The following DYSF variants were observed in gnomAD, a reference collection of about 807,000 sequenced individuals.
DYSF encodes the protein dysferlin.
Under a neutral mutation model 274.9 loss-of-function variants are expected in DYSF, and 212 were observed. The ratio of observed to expected loss-of-function variants is 0.77; its 90% CI spans 0.69 to 0.86. The LOEUF (loss-of-function observed/expected upper bound fraction) is 0.86, where lower values mean the gene tolerates loss of function less well. DYSF is among the 40% of genes least tolerant of loss of function. The pLI, the probability that DYSF is intolerant of heterozygous loss-of-function variation, is 0.00. For missense variants in DYSF, 2,666 were observed against 2,783.2 expected (o/e 0.96, Z 0.95); for synonymous variants, 1,091 against 1,078.7 (o/e 1.01, Z -0.22).
chr2:71,674,025 T>C (rs2095175877), intron 51 of DYSF, among the ~76,000 whole-genome samples, 172 bp from the exon 52 acceptor site: 1 of 152,144 alleles, frequency 6.6e-6, no homozygotes, highest in Non-Finnish European at 1.5e-5. Flanking sequence ...CCTTGAACAC[T>C]GCCTTCTGGG....
At chr2:71,565,508 C>G (rs2092038790) in intron 24 of DYSF, among the ~76,000 whole-genome samples, 1 of 152,150 alleles carries the variant, frequency 6.6e-6, no homozygotes, top group Non-Finnish European at 1.5e-5. Flanking sequence ...CACGCTGGAC[C>G]TTCCCCTTCC....
chr2:71,526,418 T>TGGGGGGGGGGTGGGGGGGGGG, intron 13 of DYSF, 72 bp downstream of exon 13: 1 of 261,506 alleles, frequency 3.8e-6, no homozygotes, highest in Non-Finnish European at 7.0e-6. Context: ...GGGTGGGCGA[T>TGGGGGGGGGGTGGGGGGGGGG]GGCGGGCGGG....
intron 40 of DYSF, among the ~76,000 whole-genome samples, chr2:71,618,604 G>GTGTGTGTGTGT (rs762202789): frequency 5.3e-4 from 14 of 26,322 alleles, no homozygotes; most frequent in Non-Finnish European, 7.3e-4. Flanking sequence ...TGGTAGAGGT[G>GTGTGTGTGTGT]GTGGGTGTGG....
intron 31 of DYSF, among the ~76,000 whole-genome samples, chr2:71,589,902 C>G (rs576500988): frequency 1.3e-5 from 2 of 152,294 alleles, no homozygotes; most frequent in Non-Finnish European, 2.9e-5. Context: ...CCACTCAAAT[C>G]TGAGATCAGG....
intron 17 of DYSF, among the ~76,000 whole-genome samples, chr2:71,539,686 G>A (rs937569760): frequency 6.6e-6 from 1 of 151,982 alleles, no homozygotes; most frequent in Non-Finnish European, 1.5e-5. Flanking sequence ...CCACCCCTCC[G>A]GACAAGAACT....
rs1198300725 is a variant in DYSF, at chr2:71,568,363, G to T, written c.2864+25G>T. ...CGTGAGTCGTGGGCAGGGAGGGCTGGGGAGAGCCAGGCCAGGCTGCCCACC... is the reference window on the plus strand; with the variant it reads ...CGTGAGTCGTGGGCAGGGAGGGCTGTGGAGAGCCAGGCCAGGCTGCCCACC... On this transcript the variant is annotated intron_variant, in intron 26 of 55. Coordinates refer to ENST00000410020, the MANE Select transcript of DYSF (RefSeq NM_001130987.2). 3 of 1,612,454 alleles carry T rather than the reference G, an allele frequency of 1.9e-6. No homozygotes were observed. The Admixed American group carries it at 5.0e-5, about 27-fold the overall frequency.
intron 1 of DYSF, among the ~76,000 whole-genome samples, chr2:71,476,075 G>C (rs183005071): frequency 6.6e-6 from 1 of 152,258 alleles, no homozygotes; most frequent in Admixed American, 6.5e-5. Flanking sequence ...TGGCCCCTAA[G>C]AAGTTCTTAA....
intron 17 of DYSF, chr2:71,549,481 G>T: frequency 9.9e-6 from 13 of 1,318,438 alleles, no homozygotes; most frequent in South Asian, 1.2e-5. Flanking sequence ...TGGGGTTTTT[G>T]ATTTGCCTGA....
chr2:71,469,163 A>G (rs1461738080), intron 1 of DYSF, among the ~76,000 whole-genome samples: 1 of 152,174 alleles, frequency 6.6e-6, no homozygotes, highest in Non-Finnish European at 1.5e-5. Context: ...CTGAGATGTG[A>G]TGGCAGGTGA....
At chr2:71,554,758 G>A (rs1011955180) in intron 21 of DYSF, among the ~76,000 whole-genome samples, 2 of 152,210 alleles carry the variant, frequency 1.3e-5, no homozygotes, top group Non-Finnish European at 2.9e-5. Context: ...GTTCTGTTTT[G>A]GAGGTGAGGA....
intron 32 of DYSF, among the ~76,000 whole-genome samples, chr2:71,594,335 T>C (rs898845206): frequency 1.3e-5 from 2 of 152,304 alleles, no homozygotes; most frequent in Admixed American, 6.5e-5. Flanking sequence ...CCAAAGTGCA[T>C]TGGAGGCTTG....
chr2:71,457,303 C>A (rs568327360), intron 1 of DYSF, among the ~76,000 whole-genome samples: 2 of 152,326 alleles, frequency 1.3e-5, no homozygotes, highest in East Asian at 3.9e-4. Flanking sequence ...CACTCCCATT[C>A]TACAGATAAG....
intron 30 of DYSF, among the ~76,000 whole-genome samples, chr2:71,586,158 C>G (rs1336854593): frequency 6.6e-6 from 1 of 152,118 alleles, no homozygotes; most frequent in African/African-American, 2.4e-5. Context: ...AGCCCAGTCT[C>G]CCCTGGGAGG....
intron 24 of DYSF, among the ~76,000 whole-genome samples, chr2:71,567,580 CAT>C (rs1161189766): frequency 6.6e-6 from 1 of 152,334 alleles, no homozygotes; most frequent in African/African-American, 2.4e-5. Flanking sequence ...CCATTTTCCT[CAT>C]AGCAGAAAGT....
At chr2:71,644,422 A>T (rs2094536257) in intron 42 of DYSF, among the ~76,000 whole-genome samples, 1 of 152,228 alleles carries the variant, frequency 6.6e-6, no homozygotes, top group Admixed American at 6.5e-5. Context: ...ATTGCATGAC[A>T]TTGAAAACAG....
At chr2:71,605,653 G>C (rs2093633857) in intron 36 of DYSF, among the ~76,000 whole-genome samples, 1 of 152,108 alleles carries the variant, frequency 6.6e-6, no homozygotes, top group Non-Finnish European at 1.5e-5. Flanking sequence ...TGCCAGTTCA[G>C]GGGTGGGGGC....
rs183477788 is a variant in DYSF at position 71,590,104 on chromosome 2, C to T, written c.3497-107C>T. The T allele has an allele frequency of 6.2e-4, 693 of 1,114,084 alleles. 3 individuals carry two copies. Among genetic ancestry groups the T allele is most frequent in the East Asian group, 2.9e-3 (120 of 42,066 alleles). 69.0% of individuals were successfully genotyped at this position (1,114,084 alleles called of 1,614,324 possible). ...CTGTGTGGTTTCCCTCATTCAGCCC[C>T]TCTGTCTGCTGCCCTTTCTAGGGAC... On this transcript the variant is annotated intron_variant, in intron 31 of 55. Coordinates refer to ENST00000410020, the MANE Select transcript of DYSF (RefSeq NM_001130987.2).
At chr2:71,482,792 A>T (rs940212194) in intron 3 of DYSF, among the ~76,000 whole-genome samples, 1 of 152,020 alleles carries the variant, frequency 6.6e-6, no homozygotes, top group South Asian at 2.1e-4. Flanking sequence ...TGGGCATGAG[A>T]GGAGGCAGCT....
chr2:71,554,438 G>A (rs1287835429), intron 21 of DYSF, among the ~76,000 whole-genome samples: 1 of 152,170 alleles, frequency 6.6e-6, no homozygotes, highest in Non-Finnish European at 1.5e-5. Context: ...CATTCCAGGG[G>A]CAAAGAGATG....
Sources: gnomAD v4.1 joint callset for allele counts (sites outside exome capture counted in the v4.1 genomes callset) on GRCh38, gnomAD v4.1.1 for gene constraint, MANE v1.5 for transcripts, NCBI Gene and HGNC (gene_info 2026-07-23, HGNC 2026-07-21) for gene names.